Variants in FRRS1L observed in about 807,000 individuals in gnomAD.
FRRS1L encodes the protein ferric chelate reductase 1 like.
Under a neutral mutation model 28.6 loss-of-function variants are expected in FRRS1L, and 22 were observed. The observed-to-expected ratio is 0.77, with a 90% CI of 0.55 to 1.10. The LOEUF is 1.10. Ranked by LOEUF, FRRS1L falls within the 50% of genes least tolerant of loss-of-function variation. The pLI is 0.00. For synonymous variants in FRRS1L, 158 were observed against 151.4 expected (o/e 1.04, Z -0.32); for missense variants, 380 against 386.9 (o/e 0.98, Z 0.15).
At chr9:109,142,819 TAAAAA>T (rs71492832) in intron 3 of FRRS1L, among the ~76,000 whole-genome samples, 1 of 135,344 alleles carries the variant, frequency 7.4e-6, no homozygotes, top group African/African-American at 2.7e-5. Flanking sequence ...AAAATAAAAA[TAAAAA>T]AAAAAATACA....
At chr9:109,154,027 C>T (rs1831372376) in intron 1 of FRRS1L, among the ~76,000 whole-genome samples, 1 of 151,906 alleles carries the variant, frequency 6.6e-6, no homozygotes, top group Admixed American at 6.6e-5. Flanking sequence ...TGTGTGATTG[C>T]TGTTCCAATA....
At chr9:109,161,578 A>G (rs541864908) in intron 1 of FRRS1L, among the ~76,000 whole-genome samples, 4 of 152,014 alleles carry the variant, frequency 2.6e-5, no homozygotes, top group Non-Finnish European at 4.4e-5. Flanking sequence ...TAGGTTCTCA[A>G]TTGGGCTTTG....
intron 3 of FRRS1L, among the ~76,000 whole-genome samples, chr9:109,144,932 G>A (rs775127106): frequency 1.3e-5 from 2 of 152,160 alleles, no homozygotes; most frequent in Non-Finnish European, 2.9e-5. Flanking sequence ...CGATCCACCT[G>A]CCTTGGCCTC....
intron 4 of FRRS1L, 135 bp downstream of exon 4, chr9:109,141,208 A>C: frequency 1.2e-6 from 1 of 860,820 alleles, no homozygotes; most frequent in South Asian, 1.7e-5. Flanking sequence ...TGAAGGTAGG[A>C]GTCGCATCTC....
At chr9:109,152,630 C>T (rs1249229562) in intron 1 of FRRS1L, among the ~76,000 whole-genome samples, 5 of 150,212 alleles carry the variant, frequency 3.3e-5, no homozygotes, top group Admixed American at 6.6e-5. Context: ...CAGTGAAACC[C>T]GTCTCTACTA....
At chr9:109,149,428 A>C (rs1831301498) in intron 2 of FRRS1L, among the ~76,000 whole-genome samples, 1 of 152,182 alleles carries the variant, frequency 6.6e-6, no homozygotes, top group Non-Finnish European at 1.5e-5. Context: ...AGAACCATGG[A>C]AGAATGGTCC....
intron 4 of FRRS1L, chr9:109,140,488 G>A (rs1000176455): frequency 2.0e-5 from 3 of 152,204 alleles, no homozygotes; most frequent in African/African-American, 7.2e-5. Flanking sequence ...GTAGAGGGGA[G>A]GAGAGAGGGG....
chr9:109,146,403 T>G (rs1214599576), intron 3 of FRRS1L, among the ~76,000 whole-genome samples: 4 of 152,084 alleles, frequency 2.6e-5, no homozygotes, highest in Admixed American at 1.3e-4. Flanking sequence ...CTTGTGGTTT[T>G]GAACCCTTAA....
In FRRS1L at chr9:109,141,387, T is replaced by C. The variant is rs370416513; in HGVS notation, c.665A>G (p.His222Arg). The C allele has an allele frequency of 1.7e-5, 27 of 1,614,066 alleles. No individual in the cohort carries two copies. The highest frequency in any genetic ancestry group is 2.3e-5 in the Non-Finnish European group (27 of 1,180,024). The part of the protein sequence containing the change: ...VPRDETIVDL[H>R]LSWYYLFAWG... ...AGCAAACAGATAATACCAACTCAAA[T>C]GCAGATCAACAATTGTTTCATCTCT... Residue 222 changes from histidine (H) to arginine (R), a missense_variant, in exon 4 of 5, where the codon CAT (histidine) becomes CGT (arginine). Transcript: ENST00000561981.
intron 2 of FRRS1L, 54 bp downstream of exon 2, chr9:109,149,582 T>G: frequency 1.5e-5 from 18 of 1,192,150 alleles, no homozygotes; most frequent in Non-Finnish European, 2.0e-5. Flanking sequence ...AATACTACCC[T>G]GAGAAGTAAA....
chr9:109,140,351 G>A (rs1831162904), intron 4 of FRRS1L: 1 of 152,264 alleles, frequency 6.6e-6, no homozygotes, highest in African/African-American at 2.4e-5. Context: ...CTACTTGGGA[G>A]CCTGAGGTGG....
chr9:109,165,910 C>A (rs957574980), intron 1 of FRRS1L, among the ~76,000 whole-genome samples: 1 of 152,182 alleles, frequency 6.6e-6, no homozygotes, highest in Non-Finnish European at 1.5e-5. Flanking sequence ...AGGGCAGGAT[C>A]CAGAGACACT....
At chr9:109,146,945 T>G (rs1831269180) in intron 3 of FRRS1L, 106 bp downstream of exon 3, 4 of 1,031,260 alleles carry the variant, frequency 3.9e-6, no homozygotes, top group Non-Finnish European at 5.8e-6. Context: ...GAGCCATAAC[T>G]AATTTGATCA....
At chr9:109,143,546 T>G (rs1285590200) in intron 3 of FRRS1L, among the ~76,000 whole-genome samples, 1 of 137,564 alleles carries the variant, frequency 7.3e-6, no homozygotes, top group Non-Finnish European at 1.5e-5. Context: ...CGACAGAGTC[T>G]CACTGTTGCT....
intron 1 of FRRS1L, among the ~76,000 whole-genome samples, chr9:109,165,866 T>C (rs1427385955): frequency 6.6e-6 from 1 of 152,216 alleles, no homozygotes; most frequent in Admixed American, 6.5e-5. Flanking sequence ...TTTTGAACCA[T>C]GAAGTTACAT....
chr9:109,159,279 G>T (rs376079850), intron 1 of FRRS1L, among the ~76,000 whole-genome samples: 6 of 151,968 alleles, frequency 3.9e-5, no homozygotes, highest in African/African-American at 1.5e-4. Context: ...TTGCCAGATG[G>T]TTAATTTTAT....
intron 3 of FRRS1L, among the ~76,000 whole-genome samples, chr9:109,143,264 G>A (rs13287252): frequency 2.8e-4 from 42 of 152,082 alleles, no homozygotes; most frequent in African/African-American, 9.4e-4. Context: ...GCAGTGAGCC[G>A]AAATAGTGCC....
rs1304283632 is a variant in FRRS1L at position 109,134,686 on chromosome 9, T to C, written c.*2769A>G. 1 of 152,200 alleles carries C rather than the reference T, an allele frequency of 6.6e-6. No homozygotes were observed. Among genetic ancestry groups the C allele is most frequent in the Admixed American group, 6.5e-5 (1 of 15,278 alleles). The allele number at this position is 152,200 out of a possible 1,614,324, so 9.4% of individuals were successfully genotyped here. On this transcript the variant is annotated 3_prime_UTR_variant, in exon 5 of 5. Transcript: ENST00000561981. ...ATCAAATGAGAAATCACTAGTGAAA[T>C]AATTAGCTTGATTAGAAATGTAAGC...
intron 1 of FRRS1L, among the ~76,000 whole-genome samples, chr9:109,152,803 CAAAAAAAAAAAAAAAAAAAAA>C (rs59385693): frequency 1.2e-3 from 28 of 24,112 alleles, no homozygotes; most frequent in African/African-American, 6.4e-3. Flanking sequence ...GACTCCATCT[CAAAAAAAAAAAAAAAAAAAAA>C]AAAAAAAAAA....
Sources: allele counts gnomAD v4.1 joint callset (sites outside exome capture counted in the v4.1 genomes callset), GRCh38; gene constraint gnomAD v4.1.1; transcripts MANE v1.5; gene names NCBI Gene and HGNC (gene_info 2026-07-23, HGNC 2026-07-21).